Variants in CACNA2D4 observed in about 807,000 individuals in gnomAD.
CACNA2D4 encodes the protein voltage-dependent calcium channel subunit alpha-2/delta-4.
CACNA2D4 carries 157 observed loss-of-function variants against 163.8 expected under a neutral mutation model. The ratio of observed to expected loss-of-function variants is 0.96; its 90% CI spans 0.84 to 1.09. CACNA2D4 has a LOEUF of 1.09. Ranked by LOEUF, CACNA2D4 falls within the 50% of genes least tolerant of loss-of-function variation. The pLI, the probability that CACNA2D4 is intolerant of heterozygous loss-of-function variation, is 0.00. For missense variants in CACNA2D4, 1,410 were observed against 1,479.9 expected (o/e 0.95, Z 0.78); for synonymous variants, 598 against 586.9 (o/e 1.02, Z -0.27).
At chr12:1,888,030 A>G (rs1263612794) in intron 6 of CACNA2D4, among the ~76,000 whole-genome samples, 1 of 152,154 alleles carries the variant, frequency 6.6e-6, no homozygotes, top group African/African-American at 2.4e-5. Context: ...GGCGTGAGGC[A>G]TATGTGTGAG....
chr12:1,841,952 T>A (rs191495892), intron 25 of CACNA2D4, among the ~76,000 whole-genome samples: 1 of 152,264 alleles, frequency 6.6e-6, no homozygotes, highest in Non-Finnish European at 1.5e-5. Flanking sequence ...AAGGGACAAT[T>A]CCCCACCTTG....
At chr12:1,794,173 G>A (rs1271468840) in intron 37 of CACNA2D4, among the ~76,000 whole-genome samples, 3 of 152,144 alleles carry the variant, frequency 2.0e-5, no homozygotes, top group Non-Finnish European at 2.9e-5. Flanking sequence ...CACATTGCTC[G>A]ATCATTCGGA....
At chr12:1,826,304 C>T (rs545787233) in intron 26 of CACNA2D4, among the ~76,000 whole-genome samples, 1 of 151,854 alleles carries the variant, frequency 6.6e-6, no homozygotes, top group African/African-American at 2.4e-5. Flanking sequence ...CTCCACCAAG[C>T]AGGTATTGCG....
intron 26 of CACNA2D4, 36 bp from the exon 27 acceptor site, chr12:1,811,759 A>G: frequency 6.5e-7 from 1 of 1,543,636 alleles, no homozygotes; most frequent in South Asian, 1.2e-5. Flanking sequence ...AGGCCAGGGA[A>G]GAGACGGGGA....
In CACNA2D4 at chr12:1,887,088, G is replaced by C; in HGVS notation, c.782-19C>G. The C allele has an allele frequency of 6.4e-7, 1 of 1,555,470 alleles. No individual in the cohort carries two copies. The highest frequency in any genetic ancestry group is 8.8e-7 in the Non-Finnish European group (1 of 1,141,462). On this transcript the variant is annotated intron_variant, in intron 6 of 37. Coordinates refer to ENST00000382722, the MANE Select transcript of CACNA2D4 (RefSeq NM_172364.5). Reference sequence around the variant, plus strand: ...TTTATACCTGGGAGAATAAAGACTCGTTCTTTTACTAGCTTGGTGAGGCCA... The same window carrying C: ...TTTATACCTGGGAGAATAAAGACTCCTTCTTTTACTAGCTTGGTGAGGCCA...
intron 23 of CACNA2D4, among the ~76,000 whole-genome samples, chr12:1,848,710 A>G (rs916550502): frequency 9.2e-5 from 14 of 151,792 alleles, no homozygotes; most frequent in African/African-American, 3.4e-4. Context: ...TTTTTCCAGT[A>G]TCATTATGAA....
rs773617614 is a variant in CACNA2D4 at position 1,884,881 on chromosome 12, A to T, written c.1159T>A (p.Phe387Ile). Residue 387 changes from phenylalanine to isoleucine, a missense_variant and splice_region_variant, in exon 11 of 38, where the codon TTC (phenylalanine) becomes ATC (isoleucine). Phe to Ile is a conservative substitution (Grantham distance 21). Coordinates refer to ENST00000382722, the MANE Select transcript of CACNA2D4 (RefSeq NM_172364.5). ...LREAFQILKQ[F>I]QEAKQGSLCN... ...AGGCTTCCTTGCTTGGCCTCTTGGAACTGTGTAGGGAAGAGGAGTGCCCAT... is the reference window on the plus strand; with the variant it reads ...AGGCTTCCTTGCTTGGCCTCTTGGATCTGTGTAGGGAAGAGGAGTGCCCAT... The T allele has an allele frequency of 5.6e-6, 9 of 1,612,952 alleles. 1 individual carries two copies. The highest frequency in any genetic ancestry group is 1.6e-4 in the Middle Eastern group (1 of 6,084).
At chr12:1,813,073 A>G (rs977587637) in intron 26 of CACNA2D4, among the ~76,000 whole-genome samples, 1 of 152,158 alleles carries the variant, frequency 6.6e-6, no homozygotes, top group African/African-American at 2.4e-5. Flanking sequence ...TGCATTTTCC[A>G]GGGTTGTGAT....
intron 18 of CACNA2D4, among the ~76,000 whole-genome samples, chr12:1,862,098 C>T (rs910693052): frequency 4.6e-5 from 7 of 152,216 alleles, no homozygotes; most frequent in South Asian, 2.1e-4. Flanking sequence ...TGTGTGGACA[C>T]GGCCCAGTAT....
intron 6 of CACNA2D4, among the ~76,000 whole-genome samples, chr12:1,905,256 C>T (rs1001693476): frequency 2.0e-5 from 3 of 152,046 alleles, no homozygotes; most frequent in Non-Finnish European, 4.4e-5. Flanking sequence ...AAATATCATA[C>T]TCTATGGTGA....
intron 18 of CACNA2D4, among the ~76,000 whole-genome samples, chr12:1,861,402 C>T (rs1412872843): frequency 6.6e-6 from 1 of 151,762 alleles, no homozygotes; most frequent in Non-Finnish European, 1.5e-5. Context: ...CAAGGAGCAG[C>T]TGGCTGGAGT....
At chr12:1,821,690 A>G (rs1565685975) in intron 26 of CACNA2D4, among the ~76,000 whole-genome samples, 1 of 152,150 alleles carries the variant, frequency 6.6e-6, no homozygotes, top group Non-Finnish European at 1.5e-5. Context: ...CACCCTGAGT[A>G]GAGCGGGACA....
chr12:1,913,223 T>A, intron 2 of CACNA2D4, 84 bp from the exon 3 acceptor site: 1 of 900,362 alleles, frequency 1.1e-6, no homozygotes, highest in Non-Finnish European at 1.8e-6. Context: ...CTCCAACCTC[T>A]CCACAGATGC....
At chr12:1,902,746 T>C (rs1346187799) in intron 6 of CACNA2D4, among the ~76,000 whole-genome samples, 1 of 152,156 alleles carries the variant, frequency 6.6e-6, no homozygotes, top group Non-Finnish European at 1.5e-5. Context: ...TATTCCATGT[T>C]CATGGATTGG....
intron 26 of CACNA2D4, among the ~76,000 whole-genome samples, chr12:1,818,058 C>T (rs1863941862): frequency 1.3e-5 from 2 of 151,652 alleles, no homozygotes; most frequent in Non-Finnish European, 2.9e-5. Context: ...TGCCCGGCCG[C>T]CCATCGTCTG....
chr12:1,859,804 T>G (rs1487851703), intron 19 of CACNA2D4, among the ~76,000 whole-genome samples: 1 of 152,158 alleles, frequency 6.6e-6, no homozygotes, highest in Non-Finnish European at 1.5e-5. Context: ...CTCGGGGAAA[T>G]GACCTGTTAA....
intron 6 of CACNA2D4, among the ~76,000 whole-genome samples, chr12:1,898,677 C>CTGTGTGTG (rs148994217): frequency 0.026 from 3,921 of 149,384 alleles, 65 homozygotes; most frequent in Non-Finnish European, 0.031. Flanking sequence ...TCCCACAACT[C>CTGTGTGTG]TGTGTGTGTG....
At chr12:1,821,399 G>A (rs548151418) in intron 26 of CACNA2D4, among the ~76,000 whole-genome samples, 4 of 152,326 alleles carry the variant, frequency 2.6e-5, no homozygotes, top group African/African-American at 7.2e-5. Flanking sequence ...TCCCCCAGAT[G>A]AGCATGGGCC....
chr12:1,842,282 T>C (rs567483226), intron 25 of CACNA2D4, among the ~76,000 whole-genome samples: 64 of 151,950 alleles, frequency 4.2e-4, no homozygotes, highest in Non-Finnish European at 1.6e-4. Flanking sequence ...TGCGGACAGG[T>C]TTCTAGGCAC....
Sources: allele counts gnomAD v4.1 joint callset (sites outside exome capture counted in the v4.1 genomes callset), GRCh38; gene constraint gnomAD v4.1.1; transcripts MANE v1.5; gene names NCBI Gene and HGNC (gene_info 2026-07-23, HGNC 2026-07-21).